The following SDC4 variants were observed in gnomAD, a reference collection of about 807,000 sequenced individuals.
The protein encoded by SDC4 is syndecan 4.
In SDC4, 17 loss-of-function variants were observed where a neutral mutation model predicts 20.5. The ratio of observed to expected loss-of-function variants is 0.83; its 90% CI spans 0.57 to 1.25. SDC4 has a LOEUF of 1.25. SDC4 is among the 50% of genes most tolerant of loss of function. SDC4 has a pLI of 0.00. For missense variants in SDC4, 241 were observed against 252.3 expected, an observed-to-expected ratio of 0.96 and a Z score of 0.30; for synonymous variants, 107 against 105.3, an observed-to-expected ratio of 1.02 and a Z score of -0.10.
At chr20:45,344,826 T>A (rs910632974) in intron 1 of SDC4, among the ~76,000 whole-genome samples, 4 of 152,122 alleles carry the variant, frequency 2.6e-5, no homozygotes, top group Non-Finnish European at 5.9e-5. Flanking sequence ...TATTTTAGAG[T>A]TGGGGACACT....
intron 1 of SDC4, among the ~76,000 whole-genome samples, chr20:45,342,815 C>G (rs1302298856): frequency 6.6e-6 from 1 of 152,186 alleles, no homozygotes; most frequent in Non-Finnish European, 1.5e-5. Flanking sequence ...GTCTAAACCC[C>G]AATAACTGTA....
intron 1 of SDC4, among the ~76,000 whole-genome samples, chr20:45,344,763 C>A (rs1191035255): frequency 1.3e-5 from 2 of 152,194 alleles, no homozygotes; most frequent in African/African-American, 4.8e-5. Flanking sequence ...CTCCCCTCAT[C>A]AATGGGCTCT....
chr20:45,337,717 G>A (rs967380648), intron 1 of SDC4, among the ~76,000 whole-genome samples: 2 of 152,212 alleles, frequency 1.3e-5, no homozygotes, highest in African/African-American at 4.8e-5. Context: ...CTTCTGGGGA[G>A]AGGCAGGTGG....
In SDC4 at chr20:45,343,415, C is replaced by T. The variant is rs571628412; in HGVS notation, c.60+4910G>A. Reference sequence around the variant, plus strand: ...TGCCCCTCCAGCACAGGAGGGTGACCCCAGGTCCTGGACAGTGTCCAGAGT... The same window carrying T: ...TGCCCCTCCAGCACAGGAGGGTGACTCCAGGTCCTGGACAGTGTCCAGAGT... On this transcript the variant is annotated intron_variant, in intron 1 of 4. Transcript: ENST00000372733. Among the ~76,000 whole-genome samples the T allele has an allele frequency of 1.7e-3, 264 of 152,242 alleles. 1 individual carries two copies. Among genetic ancestry groups the T allele is most frequent in the Non-Finnish European group, 3.4e-3 (234 of 68,010 alleles).
intron 1 of SDC4, among the ~76,000 whole-genome samples, chr20:45,340,323 C>G (rs1987936452): frequency 6.6e-6 from 1 of 152,198 alleles, no homozygotes; most frequent in Non-Finnish European, 1.5e-5. Context: ...GCAAGGTGCT[C>G]TACCCATTTT....
chr20:45,333,893 C>T (rs889824852), intron 2 of SDC4, among the ~76,000 whole-genome samples: 1 of 150,882 alleles, frequency 6.6e-6, no homozygotes, highest in Non-Finnish European at 1.5e-5. Context: ...GATCAGAAAA[C>T]ATTAAAGCTA....
intron 2 of SDC4, among the ~76,000 whole-genome samples, chr20:45,335,183 C>T (rs921440417): frequency 5.2e-5 from 7 of 135,606 alleles, no homozygotes; most frequent in Non-Finnish European, 7.8e-5. Flanking sequence ...TGCTACTTTT[C>T]CTTTTTTGTT....
chr20:45,342,416 C>T (rs751829623), intron 1 of SDC4, among the ~76,000 whole-genome samples: 4 of 152,174 alleles, frequency 2.6e-5, no homozygotes, highest in Non-Finnish European at 4.4e-5. Flanking sequence ...AGAGTGACAC[C>T]GCCAGTCCCC....
intron 4 of SDC4, among the ~76,000 whole-genome samples, chr20:45,328,701 G>A (rs1297978995): frequency 1.3e-5 from 2 of 152,018 alleles, no homozygotes; most frequent in African/African-American, 2.4e-5. Flanking sequence ...GGTCTTACTC[G>A]GGCTAAGAAG....
intron 1 of SDC4, chr20:45,345,439 T>A (rs13651): frequency 2.6e-5 from 4 of 152,012 alleles, no homozygotes; most frequent in African/African-American, 7.2e-5. Context: ...CCCAACCTCA[T>A]GGAACCCTCC....
intron 1 of SDC4, among the ~76,000 whole-genome samples, chr20:45,344,043 G>A (rs1987995003): frequency 6.6e-6 from 1 of 152,174 alleles, no homozygotes; most frequent in Admixed American, 6.5e-5. Context: ...AAGCAAAGAG[G>A]AGTCCTCACA....
rs543744677 is a variant in SDC4, at chr20:45,336,372, C to T, written c.61-452G>A. On this transcript the variant is annotated intron_variant, in intron 1 of 4. Transcript: ENST00000372733. ...AGGTTGCAATAAGCCAGGATCACGC[C>T]GTTGCACTCTAGCCTGAGCTACAGA... is the stretch of plus-strand genomic sequence containing the variant. Among the ~76,000 whole-genome samples the T allele has an allele frequency of 5.9e-5, 9 of 152,242 alleles. 1 individual carries two copies. The South Asian group carries it at 1.7e-3, about 28-fold the overall frequency.
At chr20:45,332,871 C>T in intron 3 of SDC4, 152 bp downstream of exon 3, 2 of 695,140 alleles carry the variant, frequency 2.9e-6, no homozygotes, top group Non-Finnish European at 4.8e-6. Flanking sequence ...GCCACCATGC[C>T]CACCCCAGGG....
At chr20:45,348,201 C>G in intron 1 of SDC4, 124 bp downstream of exon 1, 1 of 937,244 alleles carries the variant, frequency 1.1e-6, no homozygotes, top group Non-Finnish European at 1.7e-6. Flanking sequence ...TCCCGGGCCT[C>G]GGTGTCCGGT....
chr20:45,327,331 T>G lies in SDC4; in HGVS notation c.530A>C (p.Glu177Ala), dbSNP rs142891297. The G allele has an allele frequency of 2.8e-5, 45 of 1,614,094 alleles. No individual in the cohort carries two copies. In the Admixed American group the frequency reaches 5.8e-4, roughly 21 times the overall value. Residue 177 changes from glutamate (E) to alanine (A), a missense_variant, in exon 5 of 5, where the codon GAA (glutamate) becomes GCA (alanine). Coordinates refer to ENST00000372733, the MANE Select transcript of SDC4 (RefSeq NM_002999.4). ...TTTCTTGCCCAGGTCATAGCTGCCT[T>G]CATCCTTCTTCTTCATACGGTACAT... ...LLMYRMKKKD[E>A]GSYDLGKKPI...
In SDC4 at chr20:45,348,325, C is replaced by G; in HGVS notation, c.60G>C (p.Ser20=). 2 of 1,584,366 alleles carry G rather than the reference C, an allele frequency of 1.3e-6. No individual in the cohort carries two copies. The highest frequency in any genetic ancestry group is 1.7e-6 in the Non-Finnish European group (2 of 1,166,386). ...LLFFVGGVAE[S]IRETEVIDPQ... is the part of the protein sequence containing the mutation. ...AGCCCGGGAACCTCCAAGCACCCAC[C>G]GACTCGGCGACTCCGCCTACGAAGA... is the stretch of plus-strand genomic sequence containing the variant. The change falls in exon 1 of 5, where the codon TCG becomes TCC. Residue 20 remains serine, a splice_region_variant and synonymous_variant. Coordinates refer to ENST00000372733, the MANE Select transcript of SDC4 (RefSeq NM_002999.4).
chr20:45,332,942 G>A (rs1600729735), intron 3 of SDC4, 81 bp downstream of exon 3: 2 of 1,320,002 alleles, frequency 1.5e-6, no homozygotes, highest in East Asian at 2.3e-5. Flanking sequence ...TTCTGCCTAT[G>A]GGGGCTGTAT....
intron 4 of SDC4, among the ~76,000 whole-genome samples, chr20:45,330,126 C>T (rs1172976185): frequency 6.6e-6 from 1 of 152,332 alleles, no homozygotes; most frequent in South Asian, 2.1e-4. Flanking sequence ...AAGAATGACT[C>T]AATGCCTATT....
chr20:45,339,317 A>G (rs1284381892), intron 1 of SDC4, among the ~76,000 whole-genome samples: 1 of 152,226 alleles, frequency 6.6e-6, no homozygotes, highest in Non-Finnish European at 1.5e-5. Flanking sequence ...CTGGCTAAGA[A>G]TGTGGTCTGT....
Sources: allele counts gnomAD v4.1 joint callset (sites outside exome capture counted in the v4.1 genomes callset), GRCh38; gene constraint gnomAD v4.1.1; transcripts MANE v1.5; gene names NCBI Gene and HGNC (gene_info 2026-07-23, HGNC 2026-07-21).